The following OPA3 variants were observed in gnomAD, a reference collection of about 807,000 sequenced individuals.
The protein encoded by OPA3 is optic atrophy 3 protein.
OPA3 carries 6 observed loss-of-function variants against 4.0 expected under a neutral mutation model. The ratio of observed to expected loss-of-function variants is 1.51; its 90% confidence interval spans 0.83 to 2.99. OPA3 has a LOEUF of 2.99. OPA3 is among the 30% of genes most tolerant of loss of function. The pLI is 0.00. For missense variants in OPA3, 235 were observed against 256.2 expected (o/e 0.92, Z 0.56); for synonymous variants, 105 against 117.1 (o/e 0.90, Z 0.67).
chr19:45,572,687 TATC>T (rs1010836810), intron 1 of OPA3, among the ~76,000 whole-genome samples: 8 of 132,960 alleles, frequency 6.0e-5, no homozygotes, highest in East Asian at 2.1e-4. Context: ...TATCTATATA[TATC>T]ATACTATATA....
At chr19:45,538,346 G>C (rs1969146022) in intron 1 of OPA3, among the ~76,000 whole-genome samples, 1 of 152,060 alleles carries the variant, frequency 6.6e-6, no homozygotes, top group Non-Finnish European at 1.5e-5. Context: ...GCTTGAGCCT[G>C]GAAGATCAAA....
chr19:45,584,277 T>G lies in OPA3; in HGVS notation c.142+346A>C, dbSNP rs1969898794. 25 of 946,848 alleles carry G rather than the reference T, an allele frequency of 2.6e-5. No homozygotes were observed. In the South Asian group the frequency reaches 1.1e-3, roughly 42 times the overall value. The allele number at this position is 946,848 out of a possible 1,614,324, so 58.7% of individuals were successfully genotyped here. On this transcript the variant is annotated intron_variant, in intron 1 of 1. Coordinates refer to ENST00000263275, the MANE Select transcript of OPA3 (RefSeq NM_025136.4). ...CGGGCAAAGGACCCCGTCCGGTTTCTCCTCAGCCCCTCCCCTAGCTCCTCT... is the reference window on the plus strand; with the variant it reads ...CGGGCAAAGGACCCCGTCCGGTTTCGCCTCAGCCCCTCCCCTAGCTCCTCT...
rs1056531372 is a variant in OPA3, at chr19:45,548,097, TG to T, written c.*5416del. Reference sequence around the variant, plus strand: ...GGCTCCCAGCTACTAGAATGGAGCCTGGTGCAGTTGATCCTCAGTACACTCA... The same window carrying T: ...GGCTCCCAGCTACTAGAATGGAGCCTGTGCAGTTGATCCTCAGTACACTCA... On this transcript the variant is annotated 3_prime_UTR_variant, in exon 2 of 2. Transcript: ENST00000263275. 1.2e-4 allele frequency: 119 copies of T among 984,808 alleles called. No homozygotes were observed. The African/African-American group carries it at 1.7e-3, about 14-fold the overall frequency. The allele number at this position is 984,808 out of a possible 1,614,324, so 61.0% of individuals were successfully genotyped here.
intron 1 of OPA3, among the ~76,000 whole-genome samples, chr19:45,571,141 C>T (rs1489424051): frequency 6.6e-6 from 1 of 151,456 alleles, no homozygotes; most frequent in African/African-American, 2.4e-5. Flanking sequence ...TATTTATTTA[C>T]TTATTTTATT....
intron 1 of OPA3, among the ~76,000 whole-genome samples, chr19:45,567,339 C>CAAA (rs749982867): frequency 3.3e-5 from 2 of 60,496 alleles, no homozygotes; most frequent in Admixed American, 1.9e-4. Flanking sequence ...GACCCTGTGT[C>CAAA]AAAAAAAAAA....
chr19:45,572,779 T>C (rs1320629710), intron 1 of OPA3, among the ~76,000 whole-genome samples: 2 of 49,060 alleles, frequency 4.1e-5, no homozygotes, highest in Non-Finnish European at 8.4e-5. Context: ...ATATATATCA[T>C]ACTATATATA....
rs374869238 is a variant in OPA3 at position 45,566,119 on chromosome 19, A to G, written c.143-12208T>C. Among the ~76,000 whole-genome samples the G allele has an allele frequency of 7.4e-4, 113 of 152,300 alleles. 1 individual carries two copies. In the South Asian group the frequency reaches 0.023, roughly 31 times the overall value. On this transcript the variant is annotated intron_variant, in intron 1 of 1. Coordinates refer to ENST00000263275, the MANE Select transcript of OPA3 (RefSeq NM_025136.4). ...ATAATCAAGTGGGATTTCTGCAGGA[A>G]TATAAGATTGGTTTAATATTCTTTT...
chr19:45,583,062 T>C (rs893813684), intron 1 of OPA3, among the ~76,000 whole-genome samples: 3 of 152,218 alleles, frequency 2.0e-5, no homozygotes, highest in Non-Finnish European at 2.9e-5. Context: ...GTGTCAGTCA[T>C]AATTTTGCAA....
rs1825108376 is a variant in OPA3 at position 45,548,612 on chromosome 19, G to A, written c.*4902C>T. On this transcript the variant is annotated 3_prime_UTR_variant, in exon 2 of 2. Transcript: ENST00000263275. ...GTCACCACTGTGACCCCAGCATAGG[G>A]TGGGGCAGAGAGTGGGTAACTCAGT... 1 of 985,116 alleles carries A rather than the reference G, an allele frequency of 1.0e-6. No individual in the cohort carries two copies. Among genetic ancestry groups the A allele is most frequent in the Non-Finnish European group, 1.2e-6 (1 of 829,848 alleles). The allele number at this position is 985,116 out of a possible 1,614,324, so 61.0% of individuals were successfully genotyped here. A position where few individuals can be genotyped will look rare whatever the true frequency, so the allele number is the denominator to read the frequency against.
chr19:45,570,542 C>G (rs949691930), intron 1 of OPA3, among the ~76,000 whole-genome samples: 1 of 152,062 alleles, frequency 6.6e-6, no homozygotes, highest in Admixed American at 6.6e-5. Context: ...AAAAAATTAG[C>G]TGGGCATAAT....
In OPA3 at chr19:45,553,189, A is replaced by G; in HGVS notation, c.*325T>C. On this transcript the variant is annotated 3_prime_UTR_variant, in exon 2 of 2. Transcript: ENST00000263275. Reference sequence around the variant, plus strand: ...AACCGGGGGTGGGGGTAACAATAACACATTGATTCAGCTCAAGACCAGGTT... The same window carrying G: ...AACCGGGGGTGGGGGTAACAATAACGCATTGATTCAGCTCAAGACCAGGTT... 7.5e-7 allele frequency: 1 copy of G among 1,329,842 alleles called. No homozygotes were observed. Among genetic ancestry groups the G allele is most frequent in the Middle Eastern group, 2.9e-4 (1 of 3,398 alleles). 82.4% of individuals were successfully genotyped at this position (1,329,842 alleles called of 1,614,324 possible).
intron 1 of OPA3, among the ~76,000 whole-genome samples, chr19:45,583,289 C>T (rs901011940): frequency 6.6e-6 from 1 of 151,312 alleles, no homozygotes; most frequent in African/African-American, 2.4e-5. Flanking sequence ...TAGCTGGGAC[C>T]ACAGGCGCCC....
intron 1 of OPA3, among the ~76,000 whole-genome samples, chr19:45,557,949 C>A (rs1308794951): frequency 6.6e-6 from 1 of 152,178 alleles, no homozygotes; most frequent in Non-Finnish European, 1.5e-5. Context: ...TAAGTGAGTC[C>A]CGCCTCCAGC....
chr19:45,575,957 G>A (rs997052238), intron 1 of OPA3, among the ~76,000 whole-genome samples: 3 of 152,264 alleles, frequency 2.0e-5, no homozygotes, highest in Non-Finnish European at 2.9e-5. Context: ...ATGGGGGCCA[G>A]TTGTGGTGGC....
Position 45,553,407 on chromosome 19 carries a change from A to C in OPA3, c.*107T>G. ...GGTAACCAAATGCCAAGTTGCATCA[A>C]GATCCTGGTGGTTTCCACTGGGCCA... On this transcript the variant is annotated 3_prime_UTR_variant, in exon 2 of 2. Coordinates refer to ENST00000263275, the MANE Select transcript of OPA3 (RefSeq NM_025136.4). 1 of 1,594,338 alleles carries C rather than the reference A, an allele frequency of 6.3e-7. No individual in the cohort carries two copies. Among genetic ancestry groups the C allele is most frequent in the Non-Finnish European group, 8.5e-7 (1 of 1,176,752 alleles).
At chr19:45,584,239 GC>G in intron 1 of OPA3, 3 of 633,354 alleles carry the variant, frequency 4.7e-6, no homozygotes, top group Non-Finnish European at 5.9e-6. Flanking sequence ...AAATGAAGTT[GC>G]CCAAGGACAG....
intron 1 of OPA3, among the ~76,000 whole-genome samples, chr19:45,565,802 T>C (rs1480903660): frequency 2.6e-5 from 4 of 151,940 alleles, no homozygotes; most frequent in Admixed American, 6.6e-5. Flanking sequence ...GATTTTTAAA[T>C]TAGCTGTACG....
intron 1 of OPA3, among the ~76,000 whole-genome samples, chr19:45,555,930 C>T (rs1255853785): frequency 6.6e-6 from 1 of 151,854 alleles, no homozygotes; most frequent in Non-Finnish European, 1.5e-5. Flanking sequence ...CTATGCCTGG[C>T]CTATATATAT....
In OPA3 at chr19:45,553,403, A is replaced by C; in HGVS notation, c.*111T>G. 5 of 1,593,310 alleles carry C rather than the reference A, an allele frequency of 3.1e-6. No homozygotes were observed. The highest frequency in any genetic ancestry group is 4.3e-6 in the Non-Finnish European group (5 of 1,176,418). Reference sequence around the variant, plus strand: ...CAGGGGTAACCAAATGCCAAGTTGCATCAAGATCCTGGTGGTTTCCACTGG... The same window carrying C: ...CAGGGGTAACCAAATGCCAAGTTGCCTCAAGATCCTGGTGGTTTCCACTGG... On this transcript the variant is annotated 3_prime_UTR_variant, in exon 2 of 2. Coordinates refer to ENST00000263275, the MANE Select transcript of OPA3 (RefSeq NM_025136.4).
Sources: allele counts gnomAD v4.1 joint callset (sites outside exome capture counted in the v4.1 genomes callset), GRCh38; gene constraint gnomAD v4.1.1; transcripts MANE v1.5; gene names NCBI Gene and HGNC (gene_info 2026-07-23, HGNC 2026-07-21).